SLC13A5: variants seen among roughly 807,000 people sequenced by gnomAD.
The protein encoded by SLC13A5 is solute carrier family 13 member 5, also known as Na(+)/citrate cotransporter.
SLC13A5 carries 25 observed loss-of-function variants against 56.5 expected under a neutral mutation model. That is an observed-to-expected ratio of 0.44 (90% CI 0.32 to 0.62). SLC13A5 has a LOEUF of 0.62. SLC13A5 is among the 20% of genes least tolerant of loss of function. The probability of loss-of-function intolerance (pLI) is 0.04; values close to 1 mark genes in which losing one functional copy is unlikely to be tolerated. For synonymous variants in SLC13A5, 307 were observed against 301.5 expected, an observed-to-expected ratio of 1.02 and a Z score of -0.19; for missense variants, 649 against 737.8, an observed-to-expected ratio of 0.88 and a Z score of 1.39.
intron 1 of SLC13A5, among the ~76,000 whole-genome samples, chr17:6,710,968 TC>T (rs1224556765): frequency 1.3e-5 from 2 of 152,030 alleles, no homozygotes; most frequent in South Asian, 2.1e-4. Flanking sequence ...AAATTTTTTT[TC>T]AATTAAAAAA....
Position 6,684,874 on chromosome 17 carries a change from C to T in SLC13A5, c.*1333G>A, listed in dbSNP as rs1303419012. Reference sequence around the variant, plus strand: ...CCCTGGAAAATGCCATCCAGGAGCTCATCTCTTTGCTACTGCCTCTCTTCC... The same window carrying T: ...CCCTGGAAAATGCCATCCAGGAGCTTATCTCTTTGCTACTGCCTCTCTTCC... On this transcript the variant is annotated 3_prime_UTR_variant, in exon 12 of 12. Coordinates refer to ENST00000433363, the MANE Select transcript of SLC13A5 (RefSeq NM_177550.5). The T allele has an allele frequency of 6.6e-6, 1 of 152,180 alleles. No individual in the cohort carries two copies. The highest frequency in any genetic ancestry group is 1.5e-5 in the Non-Finnish European group (1 of 68,044). The allele number at this position is 152,180 out of a possible 1,614,324, so 9.4% of individuals were successfully genotyped here. A position where few individuals can be genotyped will look rare whatever the true frequency, so the allele number is the denominator to read the frequency against.
intron 1 of SLC13A5, among the ~76,000 whole-genome samples, chr17:6,712,413 T>C (rs1283586871): frequency 3.3e-5 from 5 of 152,218 alleles, no homozygotes; most frequent in African/African-American, 7.2e-5. Flanking sequence ...CAGTGGAGCC[T>C]GCGCCCACCC....
intron 1 of SLC13A5, 119 bp from the exon 2 acceptor site, chr17:6,707,275 C>A: frequency 7.6e-7 from 1 of 1,319,802 alleles, no homozygotes; most frequent in Non-Finnish European, 1.0e-6. Context: ...AGAGGGATTC[C>A]CCTCAAAGTC....
At chr17:6,703,176 G>T in intron 4 of SLC13A5, 38 bp from the exon 5 acceptor site, 1 of 1,610,622 alleles carries the variant, frequency 6.2e-7, no homozygotes, top group Non-Finnish European at 8.5e-7. Context: ...AGCCAGTCAT[G>T]GGGGCTGCCC....
Position 6,706,786 on chromosome 17 carries a change from G to A in SLC13A5, c.232-8C>T, listed in dbSNP as rs566063560. 3.3e-5 allele frequency: 53 copies of A among 1,613,862 alleles called. No homozygotes were observed. The highest frequency in any genetic ancestry group is 1.8e-4 in the Admixed American group (11 of 60,014). On this transcript the variant is annotated splice_region_variant and splice_polypyrimidine_tract_variant and intron_variant, in intron 2 of 11. Coordinates refer to ENST00000433363, the MANE Select transcript of SLC13A5 (RefSeq NM_177550.5). The stretch of plus-strand genomic sequence containing the variant: ...CATGTACTGGACACACACCTGGAGC[G>A]TGGCACGAAGGCCTCATCAGGACTG...
Position 6,701,245 on chromosome 17 carries a change from C to T in SLC13A5, c.717-119G>A. 7.1e-7 allele frequency: 1 copy of T among 1,398,606 alleles called. No individual in the cohort carries two copies. The highest frequency in any genetic ancestry group is 9.7e-7 in the Non-Finnish European group (1 of 1,033,344). 86.6% of individuals were successfully genotyped at this position (1,398,606 alleles called of 1,614,324 possible). A position where few individuals can be genotyped will look rare whatever the true frequency, so the allele number is the denominator to read the frequency against. On this transcript the variant is annotated intron_variant, in intron 5 of 11. Coordinates refer to ENST00000433363, the MANE Select transcript of SLC13A5 (RefSeq NM_177550.5). This position sits in a 1 kb window ranked among gnomAD's most constrained non-coding sequence, Gnocchi z 4.1. ...AGGCGCGCCTGTGTGGAGGCCACAT[C>T]CTCCTGAGGTCTAGCCACCAAGTCC...
rs915430729 is a variant in SLC13A5 at position 6,711,542 on chromosome 17, TTG to T, written c.102+1688_102+1689del. On this transcript the variant is annotated intron_variant, in intron 1 of 11. Transcript: ENST00000433363. The surrounding 1 kb of genome is among the most constrained non-coding windows in gnomAD (Gnocchi z 4.0). ...TGTGTGTTTGTGTTTTTTGTGTGTTTTGTGTGTGTGTTTGTGTGTGTGTTTGT... is the reference window on the plus strand; with the variant it reads ...TGTGTGTTTGTGTTTTTTGTGTGTTTTGTGTGTGTTTGTGTGTGTGTTTGT... 1.4e-4 allele frequency among the ~76,000 whole-genome samples: 15 copies of T among 107,472 alleles called. No homozygotes were observed. The highest frequency in any genetic ancestry group is 8.7e-4 in the South Asian group (3 of 3,436). The allele number at this position is 107,472 out of a possible 152,430, so 70.5% of individuals were successfully genotyped here.
rs1162464041 is a variant in SLC13A5 at position 6,713,286 on chromosome 17, G to T, written c.48C>A (p.Ile16=). The stretch of plus-strand genomic sequence containing the variant: ...GCAGCAGGAGCGGGGTGACGAACAA[G>T]ATCACGAAGGACTTGAACTTGGAGA... ...SYVSKFKSFV[I]LFVTPLLLLP... is the part of the protein sequence containing the mutation. The change falls in exon 1 of 12, where the codon ATC becomes ATA. Residue 16 remains isoleucine (I), a synonymous_variant. Transcript: ENST00000433363. This position sits in a 1 kb window ranked among gnomAD's most constrained non-coding sequence, Gnocchi z 7.3. 2 of 1,614,070 alleles carry T rather than the reference G, an allele frequency of 1.2e-6. No homozygotes were observed. The highest frequency in any genetic ancestry group is 1.7e-5 in the Admixed American group (1 of 60,034).
rs938269736 is a variant in SLC13A5, at chr17:6,685,898, C to G, written c.*309G>C. 19 of 367,900 alleles carry G rather than the reference C, an allele frequency of 5.2e-5. No homozygotes were observed. The highest frequency in any genetic ancestry group is 8.2e-5 in the Non-Finnish European group (16 of 194,586). The allele number at this position is 367,900 out of a possible 1,614,324, so 22.8% of individuals were successfully genotyped here. The stretch of plus-strand genomic sequence containing the variant: ...GGGGATGCTTGAGGCAGAGCGGGTA[C>G]AGCAGCCTGCATCCTGATCCCTCGG... On this transcript the variant is annotated 3_prime_UTR_variant, in exon 12 of 12. Transcript: ENST00000433363. This position sits in a 1 kb window ranked among gnomAD's most constrained non-coding sequence, Gnocchi z 4.2.
At position 6,701,036 on chromosome 17, in the gene SLC13A5, C is replaced by T. The variant is rs1185777681; in HGVS notation, c.807G>A (p.Trp269Ter). Residue 269 changes from tryptophan to a stop codon, truncating the protein, a stop_gained, in exon 6 of 12, where the codon TGG becomes TGA. Transcript: ENST00000433363. LOFTEE classifies it high-confidence loss of function. This position sits in a 1 kb window ranked among gnomAD's most constrained non-coding sequence, Gnocchi z 4.1. ...PNMLVMLLFA[W>*]LWLQFVYMRF... ...TCATGTAAACAAACTGGAGCCACAGCCAGGCGAACAGCAGCATCACCAGCA... is the reference window on the plus strand; with the variant it reads ...TCATGTAAACAAACTGGAGCCACAGTCAGGCGAACAGCAGCATCACCAGCA... The T allele has an allele frequency of 6.2e-7, 1 of 1,614,176 alleles. No individual in the cohort carries two copies. Among genetic ancestry groups the T allele is most frequent in the Admixed American group, 1.7e-5 (1 of 60,022 alleles).
At chr17:6,698,755 G>A (rs1000561491) in intron 6 of SLC13A5, among the ~76,000 whole-genome samples, 1 of 152,100 alleles carries the variant, frequency 6.6e-6, no homozygotes, top group Non-Finnish European at 1.5e-5. Flanking sequence ...AAGAGTGCTT[G>A]GGCCAGGCGA....
At position 6,686,067 on chromosome 17, in the gene SLC13A5, C is replaced by G; in HGVS notation, c.*140G>C. 1 of 1,214,130 alleles carries G rather than the reference C, an allele frequency of 8.2e-7. No individual in the cohort carries two copies. The highest frequency in any genetic ancestry group is 1.2e-6 in the Non-Finnish European group (1 of 860,326). 75.2% of individuals were successfully genotyped at this position (1,214,130 alleles called of 1,614,324 possible). ...ATCTGGGCTTGGAGGAAGAGGTGGC[C>G]CATTGGCTGGGTTTTGGTGGTGTGT... On this transcript the variant is annotated 3_prime_UTR_variant, in exon 12 of 12. Coordinates refer to ENST00000433363, the MANE Select transcript of SLC13A5 (RefSeq NM_177550.5).
intron 9 of SLC13A5, 90 bp from the exon 10 acceptor site, chr17:6,691,030 G>A (rs1973395200): frequency 8.4e-6 from 12 of 1,425,400 alleles, no homozygotes; most frequent in Non-Finnish European, 1.0e-5. Context: ...CTCCCCTCCC[G>A]ACCCTCTCTC....
In SLC13A5 at chr17:6,691,459, A is replaced by T. The variant is rs139753590; in HGVS notation, c.1276-519T>A. ...CTCAGGAGAATGATTTCAACCAGAAATTGAAGGTTTAGATTTAGGGCTTTG... is the reference window on the plus strand; with the variant it reads ...CTCAGGAGAATGATTTCAACCAGAATTTGAAGGTTTAGATTTAGGGCTTTG... On this transcript the variant is annotated intron_variant, in intron 9 of 11. Coordinates refer to ENST00000433363, the MANE Select transcript of SLC13A5 (RefSeq NM_177550.5). Among the ~76,000 whole-genome samples the T allele has an allele frequency of 1.3e-3, 197 of 152,328 alleles. 1 individual carries two copies. The highest frequency in any genetic ancestry group is 1.8e-3 in the African/African-American group (76 of 41,584).
intron 9 of SLC13A5, among the ~76,000 whole-genome samples, chr17:6,691,156 C>T (rs1973397311): frequency 6.6e-6 from 1 of 152,220 alleles, no homozygotes; most frequent in African/African-American, 2.4e-5. Flanking sequence ...TTTACATACC[C>T]ATATGCCTTC....
chr17:6,690,838 T>C lies in SLC13A5; in HGVS notation c.1378A>G (p.Thr460Ala). 6.2e-7 allele frequency: 1 copy of C among 1,614,198 alleles called. No homozygotes were observed. Among genetic ancestry groups the C allele is most frequent in the Non-Finnish European group, 8.5e-7 (1 of 1,180,026 alleles). ...GTGGCCACGTTGCTTGTGCACTCAG[T>C]GAACACGGCAACGAGCAAGGACAAG... ...LILSLLVAVF[T>A]ECTSNVATTT... The change falls in exon 10 of 12, where the codon ACT (threonine) becomes GCT (alanine). Residue 460 changes from threonine to alanine, a missense_variant. Thr to Ala is a moderately conservative substitution (Grantham distance 58, BLOSUM62 0). Transcript: ENST00000433363.
intron 3 of SLC13A5, 97 bp from the exon 4 acceptor site, chr17:6,704,153 T>C (rs756438249): frequency 7.4e-7 from 1 of 1,349,016 alleles, no homozygotes. Context: ...CCTGCAGGGA[T>C]GCACAGGTGT....
At position 6,711,614 on chromosome 17, in the gene SLC13A5, TTGTG is replaced by T. The variant is rs1208727050; in HGVS notation, c.102+1614_102+1617del. On this transcript the variant is annotated intron_variant, in intron 1 of 11. Transcript: ENST00000433363. The surrounding 1 kb of genome is among the most constrained non-coding windows in gnomAD (Gnocchi z 4.0). ...TGGGTGTGTGTTTGTGCGTGTGTTT[TTGTG>T]TGTGTTTGTGTTTGTGCGTGTGTTT... Among the ~76,000 whole-genome samples, 1 of 149,740 alleles carries T rather than the reference TTGTG, an allele frequency of 6.7e-6. No individual in the cohort carries two copies. The highest frequency in any genetic ancestry group is 1.5e-5 in the Non-Finnish European group (1 of 67,242).
intron 5 of SLC13A5, among the ~76,000 whole-genome samples, chr17:6,702,245 A>G (rs760716937): frequency 6.6e-6 from 1 of 152,166 alleles, no homozygotes; most frequent in Non-Finnish European, 1.5e-5. Context: ...TACCTCAATT[A>G]GTACATTTAT....
Sources: gnomAD v4.1 joint callset for allele counts (sites outside exome capture counted in the v4.1 genomes callset) on GRCh38, gnomAD v4.1.1 for gene constraint, Gnocchi (gnomAD v3.1) non-coding constraint, MANE v1.5 for transcripts, NCBI Gene and HGNC (gene_info 2026-07-23, HGNC 2026-07-21) for gene names.